Variants in MS4A4A observed in about 807,000 individuals in gnomAD.
MS4A4A encodes membrane-spanning 4-domains subfamily A member 4A.
MS4A4A carries 26 observed loss-of-function variants against 28.0 expected under a neutral mutation model. The observed-to-expected ratio is 0.93, with a 90% CI of 0.68 to 1.29. MS4A4A has a LOEUF of 1.29. MS4A4A is among the 50% of genes most tolerant of loss of function. The pLI is 0.00. For synonymous variants in MS4A4A, 86 were observed against 100.8 expected (o/e 0.85, Z 0.88); for missense variants, 290 against 293.1 (o/e 0.99, Z 0.08).
At chr11:60,299,462 TTTTTTGG>T (rs2084932804) in intron 3 of MS4A4A, among the ~76,000 whole-genome samples, 2 of 150,514 alleles carry the variant, frequency 1.3e-5, no homozygotes, top group East Asian at 1.9e-4. Context: ...TTTTTTTTTT[TTTTTTGG>T]TTTTTGGTTT....
At chr11:60,306,344 A>G (rs779878459) in intron 6 of MS4A4A, 143 bp downstream of exon 6, 20 of 714,676 alleles carry the variant, frequency 2.8e-5, no homozygotes, top group Non-Finnish European at 4.4e-5. Flanking sequence ...CAGCTGAAGT[A>G]TGTCCTTGAC....
At chr11:60,287,903 T>A (rs1246771141) in intron 1 of MS4A4A, among the ~76,000 whole-genome samples, 3 of 152,326 alleles carry the variant, frequency 2.0e-5, no homozygotes, top group South Asian at 2.1e-4. Flanking sequence ...AAGCTTTAAA[T>A]CTGGAGAATA....
chr11:60,293,140 C>T (rs967354984), intron 2 of MS4A4A, among the ~76,000 whole-genome samples: 1 of 152,156 alleles, frequency 6.6e-6, no homozygotes, highest in African/African-American at 2.4e-5. Flanking sequence ...TCACTGCAAC[C>T]TCCGTCTTCC....
intron 1 of MS4A4A, chr11:60,282,608 G>A (rs1440668864): frequency 1.0e-5 from 13 of 1,284,770 alleles, no homozygotes; most frequent in Non-Finnish European, 1.3e-5. Context: ...TCACAAGAGG[G>A]GTGGAACATT....
chr11:60,288,156 A>T (rs1276940805), intron 1 of MS4A4A, among the ~76,000 whole-genome samples: 1 of 152,172 alleles, frequency 6.6e-6, no homozygotes, highest in African/African-American at 2.4e-5. Context: ...CATTGCCCTG[A>T]TGGAGGCTCT....
At chr11:60,293,366 A>G (rs908442208) in intron 2 of MS4A4A, among the ~76,000 whole-genome samples, 2 of 152,198 alleles carry the variant, frequency 1.3e-5, no homozygotes, top group African/African-American at 4.8e-5. Flanking sequence ...AATATACTGT[A>G]TGTTTTAGAG....
At chr11:60,305,288 G>C (rs182901779) in intron 5 of MS4A4A, among the ~76,000 whole-genome samples, 1 of 152,324 alleles carries the variant, frequency 6.6e-6, no homozygotes. Flanking sequence ...TACAAATTTA[G>C]TGTCTTAAGA....
intron 6 of MS4A4A, 28 bp downstream of exon 6, chr11:60,306,229 A>T (rs3018806): frequency 1 from 1,527,359 of 1,527,362 alleles, 763,678 homozygotes; most frequent in Middle Eastern, 1. Context: ...TTTGAAGATG[A>T]CTGTATTAGT....
Position 60,286,888 on chromosome 11 carries a change from A to C in MS4A4A, c.42-5337A>C, listed in dbSNP as rs555002011. On this transcript the variant is annotated intron_variant, in intron 1 of 6. Transcript: ENST00000337908. Reference sequence around the variant, plus strand: ...TTATATTTAAGGTTAGCATTAATGGATAAGGATTTACTAGTGACATTTTAT... The same window carrying C: ...TTATATTTAAGGTTAGCATTAATGGCTAAGGATTTACTAGTGACATTTTAT... Among the ~76,000 whole-genome samples, 5 of 152,284 alleles carry C rather than the reference A, an allele frequency of 3.3e-5. 1 individual carries two copies. The South Asian group carries it at 1.0e-3, about 32-fold the overall frequency.
chr11:60,306,194 C>A lies in MS4A4A; in HGVS notation c.641C>A (p.Pro214His), dbSNP rs368756534. 10 of 1,612,426 alleles carry A rather than the reference C, an allele frequency of 6.2e-6. No homozygotes were observed. The Admixed American group carries it at 1.7e-4, about 27-fold the overall frequency. The change falls in exon 6 of 7, where the codon CCT becomes CAT. Residue 214 changes from proline to histidine, a missense_variant. Pro to His is a moderately conservative substitution (Grantham distance 77, BLOSUM62 -2). Coordinates refer to ENST00000337908, the MANE Select transcript of MS4A4A (RefSeq NM_148975.3). ...GGATGTAAAGTGCTCTGTTGTACCC[C>A]TGGTGGGGTGAGTATTGGCCTTCAT... ...AFGCKVLCCT[P>H]GGVVLILPSH... is the part of the protein sequence containing the mutation.
chr11:60,287,125 G>A (rs2084809867), intron 1 of MS4A4A, among the ~76,000 whole-genome samples: 1 of 152,160 alleles, frequency 6.6e-6, no homozygotes, highest in Admixed American at 6.5e-5. Context: ...AACAATGTTT[G>A]TTGAAACAAG....
chr11:60,284,129 C>T (rs2084781984), intron 1 of MS4A4A, among the ~76,000 whole-genome samples: 1 of 152,194 alleles, frequency 6.6e-6, no homozygotes, highest in Admixed American at 6.5e-5. Context: ...AATTACATCA[C>T]CTGGATTTAA....
chr11:60,286,756 A>G (rs1452896294), intron 1 of MS4A4A, among the ~76,000 whole-genome samples: 1 of 152,122 alleles, frequency 6.6e-6, no homozygotes, highest in Non-Finnish European at 1.5e-5. Flanking sequence ...ACTTTCAACT[A>G]TGTTTCTTCT....
intron 1 of MS4A4A, among the ~76,000 whole-genome samples, chr11:60,290,592 T>C (rs1163386698): frequency 6.6e-6 from 1 of 151,988 alleles, no homozygotes; most frequent in Non-Finnish European, 1.5e-5. Flanking sequence ...TTATTTATTA[T>C]ATTTGTCTTT....
intron 1 of MS4A4A, among the ~76,000 whole-genome samples, chr11:60,286,080 A>G (rs1280030947): frequency 1.3e-5 from 2 of 152,176 alleles, no homozygotes; most frequent in Non-Finnish European, 2.9e-5. Flanking sequence ...CTTACTGGGA[A>G]AAGAATTCAG....
rs768733770 is a variant in MS4A4A, at chr11:60,306,078, T to C, written c.547-22T>C. The stretch of plus-strand genomic sequence containing the variant: ...TTGTCATCTCCATTTCTCACATTCC[T>C]TTGTTATGAGTTTTCTCCTAGGGTC... On this transcript the variant is annotated intron_variant, in intron 5 of 6. Transcript: ENST00000337908. 2.5e-5 allele frequency: 39 copies of C among 1,554,060 alleles called. No individual in the cohort carries two copies. In the East Asian group the frequency reaches 8.1e-4, roughly 32 times the overall value.
At chr11:60,291,109 G>A (rs1269366935) in intron 1 of MS4A4A, among the ~76,000 whole-genome samples, 1 of 152,168 alleles carries the variant, frequency 6.6e-6, no homozygotes, top group Non-Finnish European at 1.5e-5. Flanking sequence ...AAATTTCCAT[G>A]TGACTTTAGC....
chr11:60,290,753 T>TC (rs1301737296), intron 1 of MS4A4A, among the ~76,000 whole-genome samples: 2 of 152,268 alleles, frequency 1.3e-5, no homozygotes, highest in East Asian at 3.9e-4. Context: ...TCTATCTTTC[T>TC]CTGAAATTCA....
At chr11:60,290,262 T>C (rs2084843233) in intron 1 of MS4A4A, 1 of 210,922 alleles carries the variant, frequency 4.7e-6, no homozygotes, top group Admixed American at 5.1e-5. Context: ...GTTGTACACC[T>C]CAGGGGGGGC....
Sources: gnomAD v4.1 joint callset for allele counts (sites outside exome capture counted in the v4.1 genomes callset) on GRCh38, gnomAD v4.1.1 for gene constraint, MANE v1.5 for transcripts, NCBI Gene and HGNC (gene_info 2026-07-23, HGNC 2026-07-21) for gene names.